Variants in DYNC1H1 observed in about 807,000 individuals in gnomAD.
DYNC1H1 encodes dynein cytoplasmic 1 heavy chain 1, also known as cytoplasmic dynein 1 heavy chain 1.
A neutral mutation model predicts 527.1 loss-of-function variants in DYNC1H1; 51 were observed. That is an observed-to-expected ratio of 0.10 (90% CI 0.08 to 0.12). The LOEUF (loss-of-function observed/expected upper bound fraction) is 0.12. Among genes scored for constraint, DYNC1H1 ranks in the 10% least tolerant of loss-of-function variants. The pLI, the probability that DYNC1H1 is intolerant of heterozygous loss-of-function variation, is 1.00. For missense variants in DYNC1H1, 2,771 were observed against 5,971.8 expected (o/e 0.46, Z 17.66); for synonymous variants, 2,189 against 2,278.8 (o/e 0.96, Z 1.12).
rs1475038980 is a variant in DYNC1H1 at position 102,004,578 on chromosome 14, T to C, written c.4944T>C (p.Ala1648=). ...TCATTGGAAACAGCAAGAATGTCGC[T>C]AAATTACAGAAACACTTCAAGAAGA... ...LEIIGNSKNV[A]KLQKHFKKMF... The change falls in exon 24 of 78, where the codon GCT becomes GCC. Residue 1648 remains alanine (A), a synonymous_variant. Coordinates refer to ENST00000360184, the MANE Select transcript of DYNC1H1 (RefSeq NM_001376.5). 37 of 1,614,024 alleles carry C rather than the reference T, an allele frequency of 2.3e-5. No individual in the cohort carries two copies. The highest frequency in any genetic ancestry group is 3.1e-5 in the Non-Finnish European group (36 of 1,179,984).
At chr14:101,984,367 TTG>T (rs34147685) in intron 7 of DYNC1H1, among the ~76,000 whole-genome samples, 29,139 of 145,010 alleles carry the variant, frequency 0.2, 4,207 homozygotes, top group African/African-American at 0.39. Flanking sequence ...TGATTCTGTA[TTG>T]TGTGTGTGTG....
chr14:101,983,193 G>A lies in DYNC1H1; in HGVS notation c.1136G>A (p.Arg379His), dbSNP rs764826411. Residue 379 changes from arginine (R) to histidine (H), a missense_variant, in exon 6 of 78, where the codon CGT becomes CAT. Transcript: ENST00000360184. This position sits in a 1 kb window ranked among gnomAD's most constrained non-coding sequence, Gnocchi z 5.3. Reference protein sequence around the residue: ...NTKYPIQRALRLVEAISRDLS... With the variant: ...NTKYPIQRALHLVEAISRDLS... ...AAATATCCTATTCAGAGGGCACTGC[G>A]TTTGGTGGAGGCAATTTCAAGAGAC... 2.5e-6 allele frequency: 4 copies of A among 1,614,192 alleles called. No homozygotes were observed. The highest frequency in any genetic ancestry group is 3.4e-6 in the Non-Finnish European group (4 of 1,180,046).
chr14:102,030,482 T>A, intron 51 of DYNC1H1, 200 bp downstream of exon 51: 1 of 695,706 alleles, frequency 1.4e-6, no homozygotes, highest in Non-Finnish European at 2.3e-6. Flanking sequence ...CCTACAAAGC[T>A]AGATTGTATT....
At chr14:101,988,428 C>T (rs17512103) in intron 9 of DYNC1H1, among the ~76,000 whole-genome samples, 2 of 152,148 alleles carry the variant, frequency 1.3e-5, no homozygotes, top group Non-Finnish European at 2.9e-5. Context: ...AGAGAGCACA[C>T]CAGTGGAGAG....
Position 102,016,155 on chromosome 14 carries a change from ATGC to A in DYNC1H1, c.7473+73_7473+75del, listed in dbSNP as rs1488901672. The A allele has an allele frequency of 5.8e-6, 9 of 1,541,620 alleles. No individual in the cohort carries two copies. The highest frequency in any genetic ancestry group is 1.7e-4 in the Middle Eastern group (1 of 5,970). On this transcript the variant is annotated intron_variant, in intron 36 of 77. Coordinates refer to ENST00000360184, the MANE Select transcript of DYNC1H1 (RefSeq NM_001376.5). The surrounding 1 kb of genome is among the most constrained non-coding windows in gnomAD (Gnocchi z 7.3). ...GACCACAGGTCTGAGGACCTCTGAAATGCTGCACCTGTGGGGATGTGCGCTCTC... is the reference window on the plus strand; with the variant it reads ...GACCACAGGTCTGAGGACCTCTGAAATGCACCTGTGGGGATGTGCGCTCTC...
At position 102,029,582 on chromosome 14, in the gene DYNC1H1, T is replaced by G. The variant is rs2048487426; in HGVS notation, c.9512T>G (p.Ile3171Ser). 1 of 1,614,074 alleles carries G rather than the reference T, an allele frequency of 6.2e-7. No homozygotes were observed. The highest frequency in any genetic ancestry group is 8.5e-7 in the Non-Finnish European group (1 of 1,180,046). ...AAGCGAGGCGGCAGAACGATGGCCATCACCCCTCGCCACTACCTGGACTTC... is the reference window on the plus strand; with the variant it reads ...AAGCGAGGCGGCAGAACGATGGCCAGCACCCCTCGCCACTACCTGGACTTC... ...LAKRGGRTMAITPRHYLDFIN... is the reference protein window; with the variant it reads ...LAKRGGRTMASTPRHYLDFIN... The change falls in exon 49 of 78, where the codon ATC becomes AGC. Residue 3171 changes from isoleucine to serine, a missense_variant. By Grantham distance (142) the Ile-to-Ser change is moderately radical. This residue lies in a region of DYNC1H1 where 67 missense variants were observed against 128.2 expected (regional missense o/e 0.52). Transcript: ENST00000360184. The surrounding 1 kb of genome is among the most constrained non-coding windows in gnomAD (Gnocchi z 5.3).
chr14:102,012,416 T>C lies in DYNC1H1; in HGVS notation c.6960T>C (p.Asp2320=). The C allele has an allele frequency of 6.2e-7, 1 of 1,614,204 alleles. No individual in the cohort carries two copies. The highest frequency in any genetic ancestry group is 8.5e-7 in the Non-Finnish European group (1 of 1,180,038). The stretch of plus-strand genomic sequence containing the variant: ...TTGAGAACTTGAACTCAGTGCTGGA[T>C]GACAATAAGCTCCTAACTTTGCCCA... The part of the protein sequence containing the change: ...EWVENLNSVL[D]DNKLLTLPNG... Residue 2320 remains aspartate, a synonymous_variant, in exon 34 of 78, where the codon GAT becomes GAC. Coordinates refer to ENST00000360184, the MANE Select transcript of DYNC1H1 (RefSeq NM_001376.5). The surrounding 1 kb of genome is among the most constrained non-coding windows in gnomAD (Gnocchi z 4.9).
chr14:102,040,146 G>A, intron 62 of DYNC1H1, 90 bp from the exon 63 acceptor site: 4 of 1,567,644 alleles, frequency 2.6e-6, no homozygotes, highest in Non-Finnish European at 1.8e-6. Flanking sequence ...TGCCCGGCCT[G>A]TTTTCTCTTT....
At chr14:101,999,871 G>A in intron 16 of DYNC1H1, 118 bp from the exon 17 acceptor site, 1 of 1,404,642 alleles carries the variant, frequency 7.1e-7, no homozygotes, top group South Asian at 1.2e-5. Flanking sequence ...ATGAAGATGT[G>A]TGCAAAGAAT....
rs371508223 is a variant in DYNC1H1 at position 102,022,272 on chromosome 14, G to A, written c.8508-479G>A. On this transcript the variant is annotated intron_variant, in intron 42 of 77. Transcript: ENST00000360184. The stretch of plus-strand genomic sequence containing the variant: ...AGCACTTTGGGAGGCCGAGGCGGGC[G>A]GATCACGAGGTCAGGAGATCGAGAC... Among the ~76,000 whole-genome samples the A allele has an allele frequency of 2.6e-4, 40 of 151,864 alleles. No individual in the cohort carries two copies. In the East Asian group the frequency reaches 3.5e-3, roughly 13 times the overall value.
chr14:102,005,054 G>GT lies in DYNC1H1; in HGVS notation c.5255dup (p.Leu1752PhefsTer9). ...CTGTGTCTTTCAGGCCCAGCTTGTG[G>GT]TTTTGTCAGCCCAGATAGCCTGGTC... On this transcript the variant is annotated frameshift_variant, in exon 26 of 78. Coordinates refer to ENST00000360184, the MANE Select transcript of DYNC1H1 (RefSeq NM_001376.5). LOFTEE classifies it high-confidence loss of function. The surrounding 1 kb of genome is among the most constrained non-coding windows in gnomAD (Gnocchi z 4.0). The GT allele has an allele frequency of 6.2e-7, 1 of 1,614,198 alleles. No individual in the cohort carries two copies. Among genetic ancestry groups the GT allele is most frequent in the Non-Finnish European group, 8.5e-7 (1 of 1,180,044 alleles).
intron 16 of DYNC1H1, among the ~76,000 whole-genome samples, chr14:101,999,245 T>G (rs899641789): frequency 6.6e-6 from 1 of 152,118 alleles, no homozygotes; most frequent in Non-Finnish European, 1.5e-5. Flanking sequence ...GACATGGTCA[T>G]AGCTCACTGA....
intron 51 of DYNC1H1, 38 bp downstream of exon 51, chr14:102,030,320 G>T (rs1238434649): frequency 6.2e-7 from 1 of 1,613,880 alleles, no homozygotes; most frequent in Non-Finnish European, 8.5e-7. Flanking sequence ...GTCTAGGAAG[G>T]GTGGTCTCCG....
chr14:102,028,838 C>G, intron 48 of DYNC1H1: 1 of 161,726 alleles, frequency 6.2e-6, no homozygotes, highest in Non-Finnish European at 1.4e-5. Context: ...TCGGGCACAG[C>G]TACTCAGTGC....
rs1158585472 is a variant in DYNC1H1 at position 101,994,206 on chromosome 14, C to A, written c.3038C>A (p.Thr1013Asn). The A allele has an allele frequency of 6.2e-7, 1 of 1,614,166 alleles. No homozygotes were observed. ...TAGGTGGGTGTACATTACGAATTGA[C>A]TGAGGAAGAGAAATTCTATCGGAAT... ...RYQVGVHYEL[T>N]EEEKFYRNAL... The change falls in exon 12 of 78, where the codon ACT becomes AAT. Residue 1013 changes from threonine (T) to asparagine (N), a missense_variant. By Grantham distance (65) the Thr-to-Asn change is moderately conservative. Around this residue, in one of 32 missense-constraint regions of DYNC1H1, gnomAD observed 179 missense variants for 349.4 expected, o/e 0.51. Coordinates refer to ENST00000360184, the MANE Select transcript of DYNC1H1 (RefSeq NM_001376.5).
chr14:102,023,086 G>T (rs1334661018), intron 43 of DYNC1H1: 2 of 748,230 alleles, frequency 2.7e-6, no homozygotes, highest in Admixed American at 2.3e-5. Flanking sequence ...AACATAGTAA[G>T]ACTCCACCTC....
Position 102,050,144 on chromosome 14 carries a change from C to T in DYNC1H1, c.13758C>T (p.Pro4586=). The change falls in exon 77 of 78, where the codon CCC becomes CCT. Residue 4586 remains proline, a synonymous_variant. Transcript: ENST00000360184. ...CCAATGCCATCTCAACCGCCCTTCC[C>T]CTGACGCAGCTGCGCTGGGTCAAGC... ...SLSNAISTAL[P]LTQLRWVKQT... is the part of the protein sequence containing the mutation. The T allele has an allele frequency of 2.5e-6, 4 of 1,610,984 alleles. No individual in the cohort carries two copies. Among genetic ancestry groups the T allele is most frequent in the Non-Finnish European group, 3.4e-6 (4 of 1,179,458 alleles).
Position 102,034,179 on chromosome 14 carries a change from C to T in DYNC1H1, c.10617C>T (p.Ala3539=). The change falls in exon 55 of 78, where the codon GCC becomes GCT. Residue 3539 remains alanine (A), a synonymous_variant. Transcript: ENST00000360184. ...FTTWSHHLQQ[A]NIQFRTDIAR... ...CCTGGTCCCATCACCTACAGCAAGCCAACATCCAGGTGAGAATCACGGGGA... is the reference window on the plus strand; with the variant it reads ...CCTGGTCCCATCACCTACAGCAAGCTAACATCCAGGTGAGAATCACGGGGA... 2 of 1,614,210 alleles carry T rather than the reference C, an allele frequency of 1.2e-6. No individual in the cohort carries two copies. The highest frequency in any genetic ancestry group is 1.7e-6 in the Non-Finnish European group (2 of 1,180,048).
Position 102,038,201 on chromosome 14 carries a change from ACTC to A in DYNC1H1, c.10909-256_10909-254del. The stretch of plus-strand genomic sequence containing the variant: ...ACCATGTTGGCCAGTCTGGTCTCGA[ACTC>A]CTGACCTCAAGTGATCTGCCTGCCT... On this transcript the variant is annotated intron_variant, in intron 57 of 77. Transcript: ENST00000360184. The surrounding 1 kb of genome is among the most constrained non-coding windows in gnomAD (Gnocchi z 7.2). 4.0e-6 allele frequency: 2 copies of A among 499,490 alleles called. No individual in the cohort carries two copies. Among genetic ancestry groups the A allele is most frequent in the Non-Finnish European group, 7.3e-6 (2 of 273,580 alleles). 30.9% of individuals were successfully genotyped at this position (499,490 alleles called of 1,614,324 possible). A position where few individuals can be genotyped will look rare whatever the true frequency, so the allele number is the denominator to read the frequency against.
Sources: gnomAD v4.1 joint callset for allele counts (sites outside exome capture counted in the v4.1 genomes callset) on GRCh38, gnomAD v4.1.1 for gene constraint, gnomAD v4.1.1 regional missense constraint, Gnocchi (gnomAD v3.1) non-coding constraint, MANE v1.5 for transcripts, NCBI Gene and HGNC (gene_info 2026-07-23, HGNC 2026-07-21) for gene names.